Variants in ATP5F1C observed in about 807,000 individuals in gnomAD.
The protein encoded by ATP5F1C is ATP synthase F(1) complex subunit gamma, mitochondrial.
In ATP5F1C, 22 loss-of-function variants were observed where a neutral mutation model predicts 37.4. The ratio of observed to expected loss-of-function variants is 0.59; its 90% CI spans 0.42 to 0.84. ATP5F1C has a LOEUF of 0.84. Among genes scored for constraint, ATP5F1C ranks in the 40% least tolerant of loss-of-function variants. The pLI is 0.00. For synonymous variants in ATP5F1C, 121 were observed against 128.0 expected, an observed-to-expected ratio of 0.95 and a Z score of 0.37; for missense variants, 286 against 362.4, an observed-to-expected ratio of 0.79 and a Z score of 1.71.
intron 1 of ATP5F1C, 37 bp from the exon 2 acceptor site, chr10:7,796,084 C>CA: frequency 6.5e-7 from 1 of 1,547,376 alleles, no homozygotes; most frequent in Non-Finnish European, 8.7e-7. Flanking sequence ...AACTATTTTT[C>CA]AAAAAACTGA....
At position 7,797,179 on chromosome 10, in the gene ATP5F1C, G is replaced by T; in HGVS notation, c.223+1G>T. 6.2e-7 allele frequency: 1 copy of T among 1,613,218 alleles called. No individual in the cohort carries two copies. Among genetic ancestry groups the T allele is most frequent in the Admixed American group, 1.7e-5 (1 of 59,890 alleles). On this transcript the variant is annotated splice_donor_variant, in intron 3 of 9. Coordinates refer to ENST00000356708, the MANE Select transcript of ATP5F1C (RefSeq NM_001001973.3). LOFTEE classifies it high-confidence loss of function. ...CGAATATATGGATTGGGATCTTTAGGTAAGGGAAGAGTGTAATTCACAAAT... is the reference window on the plus strand; with the variant it reads ...CGAATATATGGATTGGGATCTTTAGTTAAGGGAAGAGTGTAATTCACAAAT...
intron 8 of ATP5F1C, among the ~76,000 whole-genome samples, chr10:7,804,497 C>T (rs1836435697): frequency 6.6e-6 from 1 of 152,192 alleles, no homozygotes; most frequent in South Asian, 2.1e-4. Context: ...TCCCTTGCTC[C>T]CTTGATTCTT....
chr10:7,799,272 C>G, intron 4 of ATP5F1C, 78 bp downstream of exon 4: 1 of 1,350,268 alleles, frequency 7.4e-7, no homozygotes. Context: ...TTGACAAACT[C>G]TCAAAACCTT....
intron 7 of ATP5F1C, among the ~76,000 whole-genome samples, 155 bp downstream of exon 7, chr10:7,802,580 C>T (rs1032911037): frequency 2.0e-5 from 3 of 152,134 alleles, no homozygotes; most frequent in African/African-American, 7.2e-5. Flanking sequence ...AGTTGATTTG[C>T]AAGTACTGTG....
chr10:7,807,269 A>G (rs1424554142), intron 9 of ATP5F1C, among the ~76,000 whole-genome samples: 1 of 152,130 alleles, frequency 6.6e-6, no homozygotes, highest in Non-Finnish European at 1.5e-5. Flanking sequence ...GATATTATAT[A>G]TAGGTTGTGA....
Position 7,800,241 on chromosome 10 carries a change from G to C in ATP5F1C, c.637+150G>C. 9 of 837,694 alleles carry C rather than the reference G, an allele frequency of 1.1e-5. No individual in the cohort carries two copies. The South Asian group carries it at 1.5e-4, about 14-fold the overall frequency. The allele number at this position is 837,694 out of a possible 1,614,324, so 51.9% of individuals were successfully genotyped here. A position where few individuals can be genotyped will look rare whatever the true frequency, so the allele number is the denominator to read the frequency against. The stretch of plus-strand genomic sequence containing the variant: ...TAGATGGAATCTTGCTGCCTCCCAG[G>C]CTGGAGTGCAGTGGCACCATCTCGG... On this transcript the variant is annotated intron_variant, in intron 6 of 9. Transcript: ENST00000356708.
At position 7,799,186 on chromosome 10, in the gene ATP5F1C, A is replaced by G; in HGVS notation, c.420A>G (p.Ile140Met). ...GAATTGGTGACAAAATCAGAGGCAT[A>G]CTTTATAGGTAATTTAAATATATAT... ...LVGIGDKIRG[I>M]LYRTHSDQFL... Residue 140 changes from isoleucine (I) to methionine (M), a missense_variant, in exon 4 of 10, where the codon ATA (isoleucine) becomes ATG (methionine). Coordinates refer to ENST00000356708, the MANE Select transcript of ATP5F1C (RefSeq NM_001001973.3). 1.2e-6 allele frequency: 2 copies of G among 1,613,374 alleles called. No homozygotes were observed. Among genetic ancestry groups the G allele is most frequent in the East Asian group, 2.2e-5 (1 of 44,860 alleles).
chr10:7,804,641 GC>G (rs2131077598), intron 8 of ATP5F1C, among the ~76,000 whole-genome samples: 1 of 152,322 alleles, frequency 6.6e-6, no homozygotes, highest in African/African-American at 2.4e-5. Context: ...AGCTCTTACA[GC>G]CTTGTATGAG....
At position 7,806,873 on chromosome 10, in the gene ATP5F1C, T is replaced by C. The variant is rs997257348; in HGVS notation, c.891-101T>C. On this transcript the variant is annotated intron_variant, in intron 8 of 9. Coordinates refer to ENST00000356708, the MANE Select transcript of ATP5F1C (RefSeq NM_001001973.3). ...GTACTCAAGGTATCAAGTTTAACAA[T>C]TGACTTTTTTTCATTGGAAAGCATA... 4.5e-5 allele frequency: 45 copies of C among 991,542 alleles called. 1 individual carries two copies. The highest frequency in any genetic ancestry group is 3.4e-4 in the African/African-American group (21 of 62,126). The allele number at this position is 991,542 out of a possible 1,614,324, so 61.4% of individuals were successfully genotyped here. A position where few individuals can be genotyped will look rare whatever the true frequency, so the allele number is the denominator to read the frequency against.
intron 1 of ATP5F1C, among the ~76,000 whole-genome samples, chr10:7,790,621 C>G (rs1389932277): frequency 6.6e-6 from 1 of 152,098 alleles, no homozygotes; most frequent in East Asian, 1.9e-4. Context: ...ACCATGAGGG[C>G]AGATATTTAC....
Position 7,800,021 on chromosome 10 carries a change from T to A in ATP5F1C, c.573-6T>A. The stretch of plus-strand genomic sequence containing the variant: ...TGAGATTTACATTTGTTTTTGTCAA[T>A]TCTAGGTCTGTCATCTCCTATAAGA... On this transcript the variant is annotated splice_polypyrimidine_tract_variant and splice_region_variant and intron_variant, in intron 5 of 9. Transcript: ENST00000356708. The A allele has an allele frequency of 6.2e-7, 1 of 1,613,344 alleles. No homozygotes were observed. The highest frequency in any genetic ancestry group is 8.5e-7 in the Non-Finnish European group (1 of 1,179,742).
At chr10:7,804,219 G>A (rs1436847842) in intron 8 of ATP5F1C, 4 of 517,492 alleles carry the variant, frequency 7.7e-6, no homozygotes, top group Non-Finnish European at 1.5e-5. Flanking sequence ...GCCCTTCACC[G>A]AAAAAATTTG....
chr10:7,804,116 G>C (rs1487613785), intron 8 of ATP5F1C: 2 of 518,994 alleles, frequency 3.9e-6, no homozygotes, highest in Non-Finnish European at 7.7e-6. Context: ...ACTGTGGCCT[G>C]GAGCTAAGAA....
chr10:7,802,256 A>G lies in ATP5F1C; in HGVS notation c.638-14A>G, dbSNP rs1157511528. 7.5e-6 allele frequency: 12 copies of G among 1,591,376 alleles called. No individual in the cohort carries two copies. The highest frequency in any genetic ancestry group is 1.0e-5 in the Non-Finnish European group (12 of 1,170,744). On this transcript the variant is annotated splice_polypyrimidine_tract_variant and intron_variant, in intron 6 of 9. Transcript: ENST00000356708. Reference sequence around the variant, plus strand: ...CCATATAACTTGAAAGAAACTCATCACTTGTTTTAACAGACAGCATGAGTA... The same window carrying G: ...CCATATAACTTGAAAGAAACTCATCGCTTGTTTTAACAGACAGCATGAGTA...
intron 6 of ATP5F1C, among the ~76,000 whole-genome samples, chr10:7,800,507 T>A (rs563961665): frequency 1.3e-4 from 19 of 146,910 alleles, no homozygotes; most frequent in Admixed American, 5.4e-4. Flanking sequence ...TTATTTTTTA[T>A]TTTTTGAGAC....
At chr10:7,804,741 A>C (rs1836440927) in intron 8 of ATP5F1C, among the ~76,000 whole-genome samples, 2 of 152,122 alleles carry the variant, frequency 1.3e-5, no homozygotes, top group Non-Finnish European at 2.9e-5. Context: ...CCTGGTACAT[A>C]CCTCCTTCGT....
intron 1 of ATP5F1C, among the ~76,000 whole-genome samples, chr10:7,792,709 A>T (rs1836181119): frequency 6.6e-6 from 1 of 152,228 alleles, no homozygotes. Flanking sequence ...TTGGTGAATA[A>T]TAGTCCATTG....
chr10:7,800,369 G>C (rs1249414748), intron 6 of ATP5F1C, among the ~76,000 whole-genome samples: 3 of 150,440 alleles, frequency 2.0e-5, no homozygotes, highest in Non-Finnish European at 4.4e-5. Flanking sequence ...CTAATTTTTT[G>C]TATTTTTAGT....
intron 1 of ATP5F1C, among the ~76,000 whole-genome samples, chr10:7,795,309 A>T (rs552520017): frequency 3.5e-4 from 53 of 152,210 alleles, no homozygotes; most frequent in African/African-American, 1.2e-3. Flanking sequence ...CATCATGCTC[A>T]GTTCTCCTGT....
Sources: allele counts gnomAD v4.1 joint callset (sites outside exome capture counted in the v4.1 genomes callset), GRCh38; gene constraint gnomAD v4.1.1; transcripts MANE v1.5; gene names NCBI Gene and HGNC (gene_info 2026-07-23, HGNC 2026-07-21).